Variants in LRP2 observed in about 807,000 individuals in gnomAD.
LRP2 encodes the protein LDL receptor related protein 2, also known as low-density lipoprotein receptor-related protein 2.
LRP2 carries 172 observed loss-of-function variants against 531.0 expected under a neutral mutation model. That is an observed-to-expected ratio of 0.32 (90% CI 0.29 to 0.37). The LOEUF (loss-of-function observed/expected upper bound fraction) is 0.37, where lower values mean the gene tolerates loss of function less well. Ranked by LOEUF, LRP2 falls within the 10% of genes least tolerant of loss-of-function variation. The pLI is 1.00. For synonymous variants in LRP2, 1,992 were observed against 2,027.6 expected (o/e 0.98, Z 0.47); for missense variants, 5,167 against 5,868.3 (o/e 0.88, Z 3.90).
At chr2:169,187,212 A>ACAG (rs147846230) in intron 49 of LRP2, among the ~76,000 whole-genome samples, 2,220 of 152,236 alleles carry the variant, frequency 0.015, 24 homozygotes, top group Middle Eastern at 0.037. Context: ...CCACATTTCC[A>ACAG]CAGCAGTTTC....
chr2:169,260,618 A>G (rs1574191340), intron 16 of LRP2, among the ~76,000 whole-genome samples: 1 of 152,080 alleles, frequency 6.6e-6, no homozygotes, highest in Non-Finnish European at 1.5e-5. Context: ...GAGAACTTGC[A>G]TAGAGATTTT....
chr2:169,351,561 T>C (rs1289385972), intron 1 of LRP2, among the ~76,000 whole-genome samples: 4 of 152,154 alleles, frequency 2.6e-5, no homozygotes, highest in African/African-American at 9.7e-5. Context: ...TTATAGAAGT[T>C]TATGGAATTC....
chr2:169,188,487 C>T (rs552401494), intron 48 of LRP2, among the ~76,000 whole-genome samples: 35 of 152,304 alleles, frequency 2.3e-4, no homozygotes, highest in African/African-American at 8.4e-4. Context: ...ACAACTTCCT[C>T]AGGGGCTGGC....
intron 57 of LRP2, 47 bp from the exon 58 acceptor site, chr2:169,172,181 A>G: frequency 1.2e-6 from 2 of 1,612,248 alleles, no homozygotes; most frequent in Non-Finnish European, 1.7e-6. Context: ...TGGCAGAGAA[A>G]TGCACAAAGT....
rs2105562367 is a variant in LRP2, at chr2:169,343,278, A to G, written c.79+19043T>C. Among the ~76,000 whole-genome samples the G allele has an allele frequency of 2.0e-5, 3 of 152,292 alleles. No homozygotes were observed. The South Asian group carries it at 6.2e-4, about 32-fold the overall frequency. ...GTGAAGAACCAAACATTCTTGGGGG[A>G]AGAAAGGCAGGTGACCAGGCCTGTC... On this transcript the variant is annotated intron_variant, in intron 1 of 78. Coordinates refer to ENST00000649046, the MANE Select transcript of LRP2 (RefSeq NM_004525.3).
intron 1 of LRP2, among the ~76,000 whole-genome samples, chr2:169,354,879 C>T (rs1685948100): frequency 6.6e-6 from 1 of 152,240 alleles, no homozygotes; most frequent in Non-Finnish European, 1.5e-5. Context: ...AGCATCTTAA[C>T]CTGTCTGCAA....
intron 76 of LRP2, 65 bp downstream of exon 76, chr2:169,137,327 A>G (rs1309706366): frequency 5.2e-6 from 6 of 1,159,778 alleles, no homozygotes; most frequent in South Asian, 1.2e-5. Context: ...ATCCTAAGAC[A>G]TGACTCAATA....
intron 1 of LRP2, among the ~76,000 whole-genome samples, chr2:169,323,301 T>C (rs147493966): frequency 6.6e-6 from 1 of 152,210 alleles, no homozygotes; most frequent in Non-Finnish European, 1.5e-5. Context: ...CCCAAACGAC[T>C]ATTGTTTGGA....
chr2:169,241,581 G>A (rs942856287), intron 24 of LRP2, among the ~76,000 whole-genome samples: 2 of 152,144 alleles, frequency 1.3e-5, no homozygotes, highest in East Asian at 1.9e-4. Flanking sequence ...GACAACAAAC[G>A]AAGTACAGAA....
chr2:169,243,015 A>G lies in LRP2; in HGVS notation c.3608T>C (p.Val1203Ala), dbSNP rs2105386662. The G allele has an allele frequency of 6.2e-7, 1 of 1,614,172 alleles. No homozygotes were observed. Among genetic ancestry groups the G allele is most frequent in the East Asian group, 2.2e-5 (1 of 44,884 alleles). Residue 1203 changes from valine (V) to alanine (A), a missense_variant, in exon 24 of 79, where the codon GTC (valine) becomes GCC (alanine). Val to Ala is a moderately conservative substitution (Grantham distance 64, BLOSUM62 0). Around this residue, in one of 6 missense-constraint regions of LRP2, gnomAD observed 2,811 missense variants for 3,058.0 expected, o/e 0.92. Coordinates refer to ENST00000649046, the MANE Select transcript of LRP2 (RefSeq NM_004525.3). ...AAAAACACCATCACAACGATTTGTGACGCCAATACATTTATCCCCACTGGC... is the reference window on the plus strand; with the variant it reads ...AAAAACACCATCACAACGATTTGTGGCGCCAATACATTTATCCCCACTGGC... ...KCASGDKCIG[V>A]TNRCDGVFDC...
intron 37 of LRP2, 23 bp from the exon 38 acceptor site, chr2:169,209,664 T>C (rs774752124): frequency 1.2e-6 from 2 of 1,609,828 alleles, no homozygotes; most frequent in Non-Finnish European, 1.7e-6. Flanking sequence ...AAAAGATCAT[T>C]AAAAAATGCT....
intron 38 of LRP2, 27 bp downstream of exon 38, chr2:169,209,426 A>C (rs537221351): frequency 1.2e-5 from 19 of 1,607,688 alleles, no homozygotes; most frequent in Non-Finnish European, 1.3e-5. Context: ...ATGCAAACAT[A>C]TTAAAATCAC....
chr2:169,255,677 A>G (rs1182512035), intron 19 of LRP2, among the ~76,000 whole-genome samples: 1 of 152,158 alleles, frequency 6.6e-6, no homozygotes, highest in Non-Finnish European at 1.5e-5. Flanking sequence ...CGTTTTTTCC[A>G]CAAGGATTTC....
At chr2:169,273,847 A>T (rs879884072) in intron 14 of LRP2, among the ~76,000 whole-genome samples, 1 of 152,222 alleles carries the variant, frequency 6.6e-6, no homozygotes, top group Non-Finnish European at 1.5e-5. Context: ...AATTTGAGTG[A>T]TCACATTGAT....
At chr2:169,318,483 T>C (rs1402364334) in intron 3 of LRP2, among the ~76,000 whole-genome samples, 1 of 152,200 alleles carries the variant, frequency 6.6e-6, no homozygotes, top group Non-Finnish European at 1.5e-5. Context: ...TACACTCCAA[T>C]AAATATTTGG....
chr2:169,265,861 C>T (rs1009779009), intron 16 of LRP2, among the ~76,000 whole-genome samples: 1 of 151,828 alleles, frequency 6.6e-6, no homozygotes, highest in Non-Finnish European at 1.5e-5. Flanking sequence ...GAAGTCTGTG[C>T]ACCAGGCCAG....
intron 9 of LRP2, among the ~76,000 whole-genome samples, chr2:169,283,887 A>C (rs1683771318): frequency 6.6e-6 from 1 of 152,172 alleles, no homozygotes; most frequent in South Asian, 2.1e-4. Flanking sequence ...ACAACAAAAT[A>C]TTAGAAGAGT....
chr2:169,306,169 A>T (rs946099101), intron 4 of LRP2, among the ~76,000 whole-genome samples: 2 of 151,666 alleles, frequency 1.3e-5, no homozygotes, highest in African/African-American at 4.8e-5. Flanking sequence ...TATATATTAA[A>T]ATATATATAT....
At chr2:169,155,861 T>A (rs1203933620) in intron 65 of LRP2, among the ~76,000 whole-genome samples, 1 of 152,204 alleles carries the variant, frequency 6.6e-6, no homozygotes, top group African/African-American at 2.4e-5. Flanking sequence ...GGGCCTCAAA[T>A]CTTATTCTCA....
Sources: gnomAD v4.1 joint callset for allele counts (sites outside exome capture counted in the v4.1 genomes callset) on GRCh38, gnomAD v4.1.1 for gene constraint, gnomAD v4.1.1 regional missense constraint, MANE v1.5 for transcripts, NCBI Gene and HGNC (gene_info 2026-07-23, HGNC 2026-07-21) for gene names.